PHRF1: variants seen among roughly 807,000 people sequenced by gnomAD.
The protein encoded by PHRF1 is PHD and RING finger domain-containing protein 1.
In PHRF1, 53 loss-of-function variants were observed where a neutral mutation model predicts 128.9. The observed-to-expected ratio is 0.41, with a 90% CI of 0.33 to 0.52. The LOEUF is 0.52. PHRF1 is among the 20% of genes least tolerant of loss of function. The pLI is 0.21. For missense variants in PHRF1, 2,503 were observed against 2,284.5 expected (o/e 1.10, Z -1.95); for synonymous variants, 1,178 against 980.6 (o/e 1.20, Z -3.76).
chr11:583,133 G>A (rs982850892), intron 3 of PHRF1, among the ~76,000 whole-genome samples: 2 of 151,690 alleles, frequency 1.3e-5, no homozygotes, highest in African/African-American at 4.8e-5. Context: ...GAGGTCAGGA[G>A]ATCGAGACCA....
intron 4 of PHRF1, among the ~76,000 whole-genome samples, chr11:588,866 A>T (rs2132911621): frequency 6.6e-6 from 1 of 152,226 alleles, no homozygotes; most frequent in African/African-American, 2.4e-5. Context: ...AACCGGGTGC[A>T]GTGGCTCACG....
chr11:587,458 G>C lies in PHRF1; in HGVS notation c.414G>C (p.Trp138Cys). The C allele has an allele frequency of 6.2e-7, 1 of 1,613,090 alleles. No homozygotes were observed. Among genetic ancestry groups the C allele is most frequent in the Non-Finnish European group, 8.5e-7 (1 of 1,179,874 alleles). ...TCTGCCTGGACTGCATTGTCGAATG[G>C]TCCAAGGTGAGTTCACCTCTGGTTG... Reference protein sequence around the residue: ...HYFCLDCIVEWSKNANSCPVD... With the variant: ...HYFCLDCIVECSKNANSCPVD... The change falls in exon 4 of 18, where the codon TGG becomes TGC. Residue 138 changes from tryptophan to cysteine, a missense_variant. Coordinates refer to ENST00000264555, the MANE Select transcript of PHRF1 (RefSeq NM_001286581.2).
At chr11:583,427 G>A (rs1437201616) in intron 3 of PHRF1, among the ~76,000 whole-genome samples, 1 of 152,148 alleles carries the variant, frequency 6.6e-6, no homozygotes, top group Non-Finnish European at 1.5e-5. Context: ...TGAGGTTGGA[G>A]GATCGCTTGA....
At chr11:578,858 A>T (rs1014787589) in intron 1 of PHRF1, among the ~76,000 whole-genome samples, 1 of 145,812 alleles carries the variant, frequency 6.9e-6, no homozygotes, top group Admixed American at 6.8e-5. Context: ...GCTGATTCAC[A>T]TTTTTTTTTT....
rs745509256 is a variant in PHRF1 at position 607,997 on chromosome 11, C to T, written c.2541C>T (p.Pro847=). The T allele has an allele frequency of 8.7e-6, 14 of 1,611,256 alleles. No homozygotes were observed. Among genetic ancestry groups the T allele is most frequent in the Admixed American group, 3.3e-5 (2 of 60,016 alleles). Residue 847 remains proline, a synonymous_variant, in exon 14 of 18, where the codon CCC becomes CCT. Coordinates refer to ENST00000264555, the MANE Select transcript of PHRF1 (RefSeq NM_001286581.2). The stretch of plus-strand genomic sequence containing the variant: ...ACTCCAGCGCCCCTGGCAGCAGCCC[C>T]GAGAGGTCTGGCCCCGGCCTCCTGC... ...GSDSSAPGSS[P]ERSGPGLLPS... is the part of the protein sequence containing the mutation.
chr11:609,041 G>T lies in PHRF1; in HGVS notation c.3585G>T (p.Lys1195Asn). The change falls in exon 14 of 18, where the codon AAG (lysine) becomes AAT (asparagine). Residue 1195 changes from lysine to asparagine, a missense_variant. Transcript: ENST00000264555. Reference sequence around the variant, plus strand: ...CCCGGTCCCATTCCCCAGAGAGGAAGGGGGCTGTGAGGGAGGCTTCCCCAG... The same window carrying T: ...CCCGGTCCCATTCCCCAGAGAGGAATGGGGCTGTGAGGGAGGCTTCCCCAG... ...PQTRSHSPER[K>N]GAVREASPAP... The T allele has an allele frequency of 6.3e-7, 1 of 1,595,044 alleles. No homozygotes were observed. Among genetic ancestry groups the T allele is most frequent in the Non-Finnish European group, 8.5e-7 (1 of 1,171,456 alleles).
chr11:597,704 T>G lies in PHRF1; in HGVS notation c.894+134T>G, dbSNP rs992602859. On this transcript the variant is annotated intron_variant, in intron 8 of 17. Coordinates refer to ENST00000264555, the MANE Select transcript of PHRF1 (RefSeq NM_001286581.2). This position sits in a 1 kb window ranked among gnomAD's most constrained non-coding sequence, Gnocchi z 6.5. Reference sequence around the variant, plus strand: ...CCCCGGTGGCTCATGTTGTTCGGCCTGCTGAGGGGAGCAGATGAGTGCACC... The same window carrying G: ...CCCCGGTGGCTCATGTTGTTCGGCCGGCTGAGGGGAGCAGATGAGTGCACC... 8.9e-6 allele frequency: 11 copies of G among 1,231,304 alleles called. No homozygotes were observed. The highest frequency in any genetic ancestry group is 4.6e-5 in the Admixed American group (2 of 43,622). The allele number at this position is 1,231,304 out of a possible 1,614,324, so 76.3% of individuals were successfully genotyped here. A position where few individuals can be genotyped will look rare whatever the true frequency, so the allele number is the denominator to read the frequency against.
In PHRF1 at chr11:581,559, CG is replaced by C; in HGVS notation, c.49del (p.Asp17MetfsTer70). 6.2e-7 allele frequency: 1 copy of C among 1,613,488 alleles called. No individual in the cohort carries two copies. The highest frequency in any genetic ancestry group is 8.5e-7 in the Non-Finnish European group (1 of 1,179,870). On this transcript the variant is annotated frameshift_variant, in exon 2 of 18. Transcript: ENST00000264555. LOFTEE classifies it high-confidence loss of function. Reference protein sequence around the residue: ...LDELVARSPGPDGHPQVGPAD... With the variant: ...LDELVARSPGXDGHPQVGPAD... The stretch of plus-strand genomic sequence containing the variant: ...GAGCTTGTGGCCCGGAGCCCAGGGC[CG>C]GATGGACACCCACAGGTCGGCCCTG...
In PHRF1 at chr11:606,567, G is replaced by A. The variant is rs375875310; in HGVS notation, c.1580G>A (p.Arg527His). ...GGCAGCAGTGATGTCATCATCCACC[G>A]CGACGGCTCCCTCAGCGCCAAGAGG... ...MLGSSDVIIH[R>H]DGSLSAKRAA... is the part of the protein sequence containing the mutation. Residue 527 changes from arginine to histidine, a missense_variant, in exon 13 of 18, where the codon CGC (arginine) becomes CAC (histidine). Physicochemically the swap from Arg to His is conservative, Grantham distance 29. Coordinates refer to ENST00000264555, the MANE Select transcript of PHRF1 (RefSeq NM_001286581.2). The A allele has an allele frequency of 2.0e-5, 32 of 1,608,086 alleles. No individual in the cohort carries two copies. The highest frequency in any genetic ancestry group is 3.3e-5 in the Admixed American group (2 of 59,910).
intron 2 of PHRF1, 64 bp downstream of exon 2, chr11:581,670 T>A (rs1223455792): frequency 6.9e-7 from 1 of 1,451,394 alleles, no homozygotes; most frequent in Non-Finnish European, 9.3e-7. Context: ...TGTTTCCCTT[T>A]GGAGGTCGTC....
At chr11:587,598 A>C in intron 4 of PHRF1, 134 bp downstream of exon 4, 1 of 903,918 alleles carries the variant, frequency 1.1e-6, no homozygotes, top group Non-Finnish European at 1.7e-6. Flanking sequence ...CACAGGATTG[A>C]GTCTGGCTTG....
rs765691554 is a variant in PHRF1, at chr11:607,671, C to G, written c.2215C>G (p.Arg739Gly). The change falls in exon 14 of 18, where the codon CGG (arginine) becomes GGG (glycine). Residue 739 changes from arginine (R) to glycine (G), a missense_variant. Arg to Gly is a moderately radical substitution (Grantham distance 125). Coordinates refer to ENST00000264555, the MANE Select transcript of PHRF1 (RefSeq NM_001286581.2). ...GAGCGAGGCCAGCAGCAGGGTGCCC[C>G]GGGAGCCCGGGGTGCACACGGGCAG... is the stretch of plus-strand genomic sequence containing the variant. The part of the protein sequence containing the change: ...AESEASSRVP[R>G]EPGVHTGSSR... 25 of 1,609,866 alleles carry G rather than the reference C, an allele frequency of 1.6e-5. No individual in the cohort carries two copies. The East Asian group carries it at 5.6e-4, about 36-fold the overall frequency.
rs1430883071 is a variant in PHRF1, at chr11:607,650, G to A, written c.2194G>A (p.Glu732Lys). ...QPGRGTRAES[E>K]ASSRVPREPG... ...AGGGCGAGGCACACGGGCAGAGAGCGAGGCCAGCAGCAGGGTGCCCCGGGA... is the reference window on the plus strand; with the variant it reads ...AGGGCGAGGCACACGGGCAGAGAGCAAGGCCAGCAGCAGGGTGCCCCGGGA... Residue 732 changes from glutamate (E) to lysine (K), a missense_variant, in exon 14 of 18, where the codon GAG becomes AAG. Physicochemically the swap from Glu to Lys is moderately conservative, Grantham distance 56. Coordinates refer to ENST00000264555, the MANE Select transcript of PHRF1 (RefSeq NM_001286581.2). 2.4e-5 allele frequency: 39 copies of A among 1,611,180 alleles called. No individual in the cohort carries two copies. In the East Asian group the frequency reaches 5.6e-4, roughly 23 times the overall value.
chr11:609,812 CCCG>C, intron 14 of PHRF1, 92 bp downstream of exon 14: 1 of 856,376 alleles, frequency 1.2e-6, no homozygotes, highest in Non-Finnish European at 1.6e-6. Context: ...TGAGTAAGGC[CCCG>C]GCCTCCACCG....
rs12421184 is a variant in PHRF1, at chr11:607,050, C to A, written c.1610-16C>A. 9.3e-3 allele frequency: 14,342 copies of A among 1,545,058 alleles called. 351 individuals carry two copies. In the Admixed American group the frequency reaches 0.1, roughly 11 times the overall value. On this transcript the variant is annotated splice_polypyrimidine_tract_variant and intron_variant, in intron 13 of 17. Coordinates refer to ENST00000264555, the MANE Select transcript of PHRF1 (RefSeq NM_001286581.2). Reference sequence around the variant, plus strand: ...GTGGGTGGGAAATGATTGCCATTGACTTTTTTGTTTTTTAGCTCCAGTTTC... The same window carrying A: ...GTGGGTGGGAAATGATTGCCATTGAATTTTTTGTTTTTTAGCTCCAGTTTC...
chr11:593,873 A>G (rs1589877362), intron 6 of PHRF1, among the ~76,000 whole-genome samples: 1 of 152,120 alleles, frequency 6.6e-6, no homozygotes, highest in East Asian at 1.9e-4. Context: ...GTCTGAGCCT[A>G]AATCCATGTT....
At position 598,479 on chromosome 11, in the gene PHRF1, C is replaced by T. The variant is rs748430731; in HGVS notation, c.1001C>T (p.Pro334Leu). 1 of 1,609,790 alleles carries T rather than the reference C, an allele frequency of 6.2e-7. No homozygotes were observed. Among genetic ancestry groups the T allele is most frequent in the Non-Finnish European group, 8.5e-7 (1 of 1,179,502 alleles). ...CAGCGCCCCCTGACGCCGCGCACTCCCGCCCGACGGAAGAGGAAGACAAGT... is the reference window on the plus strand; with the variant it reads ...CAGCGCCCCCTGACGCCGCGCACTCTCGCCCGACGGAAGAGGAAGACAAGT... ...VYQRPLTPRT[P>L]ARRKRKTRRR... Residue 334 changes from proline to leucine, a missense_variant, in exon 9 of 18, where the codon CCC becomes CTC. By Grantham distance (98) the Pro-to-Leu change is moderately conservative. Transcript: ENST00000264555.
At chr11:602,651 A>G in intron 10 of PHRF1, among the ~76,000 whole-genome samples, 1 of 152,074 alleles carries the variant, frequency 6.6e-6, no homozygotes, top group East Asian at 1.9e-4. Context: ...ACTGCACTCC[A>G]GCCTGGGAGA....
chr11:591,164 A>G (rs558579069), intron 4 of PHRF1, among the ~76,000 whole-genome samples: 43 of 152,296 alleles, frequency 2.8e-4, no homozygotes, highest in African/African-American at 9.9e-4. Flanking sequence ...CTGAGATGCT[A>G]CGCGTTCATG....
Sources: gnomAD v4.1 joint callset for allele counts (sites outside exome capture counted in the v4.1 genomes callset) on GRCh38, gnomAD v4.1.1 for gene constraint, Gnocchi (gnomAD v3.1) non-coding constraint, MANE v1.5 for transcripts, NCBI Gene and HGNC (gene_info 2026-07-23, HGNC 2026-07-21) for gene names.